The following TOR1AIP1 variants were observed in gnomAD, a reference collection of about 807,000 sequenced individuals.
TOR1AIP1 encodes torsin 1A interacting protein 1.
TOR1AIP1 carries 54 observed loss-of-function variants against 63.3 expected under a neutral mutation model. That is an observed-to-expected ratio of 0.85 (90% CI 0.69 to 1.07). TOR1AIP1 has a LOEUF of 1.07. Ranked by LOEUF, TOR1AIP1 falls within the 50% of genes least tolerant of loss-of-function variation. The pLI is 0.00. For synonymous variants in TOR1AIP1, 294 were observed against 273.5 expected (o/e 1.07, Z -0.74); for missense variants, 736 against 715.0 (o/e 1.03, Z -0.33).
chr1:179,908,499 C>T, intron 7 of TOR1AIP1, 106 bp from the exon 8 acceptor site: 20 of 851,476 alleles, frequency 2.3e-5, no homozygotes, highest in South Asian at 7.2e-5. Flanking sequence ...TGTTTTCTTC[C>T]CCTACTTTAT....
intron 8 of TOR1AIP1, 77 bp from the exon 9 acceptor site, chr1:179,913,918 ATCT>A: frequency 1.5e-6 from 2 of 1,314,558 alleles, no homozygotes; most frequent in Non-Finnish European, 1.1e-6. Flanking sequence ...TGGAATTTGT[ATCT>A]TCTTTGTCTA....
chr1:179,896,526 G>T (rs1172731888), intron 3 of TOR1AIP1, among the ~76,000 whole-genome samples: 1 of 151,182 alleles, frequency 6.6e-6, no homozygotes, highest in Non-Finnish European at 1.5e-5. Flanking sequence ...TAATGGAAGA[G>T]AAAAACAAGT....
At position 179,919,713 on chromosome 1, in the gene TOR1AIP1, T is replaced by C. The variant is rs554658491; in HGVS notation, c.*1474T>C. 1 of 152,324 alleles carries C rather than the reference T, an allele frequency of 6.6e-6. No individual in the cohort carries two copies. The highest frequency in any genetic ancestry group is 2.4e-5 in the African/African-American group (1 of 41,580). The allele number at this position is 152,324 out of a possible 1,614,324, so 9.4% of individuals were successfully genotyped here. A position where few individuals can be genotyped will look rare whatever the true frequency, so the allele number is the denominator to read the frequency against. On this transcript the variant is annotated 3_prime_UTR_variant, in exon 10 of 10. Coordinates refer to ENST00000606911, the MANE Select transcript of TOR1AIP1 (RefSeq NM_015602.4). ...TAAATATTGTTTTTAGAGTCAGTCATTGGCTTTGTCATTTACCCTTTGAGA... is the reference window on the plus strand; with the variant it reads ...TAAATATTGTTTTTAGAGTCAGTCACTGGCTTTGTCATTTACCCTTTGAGA...
chr1:179,889,536 CA>C (rs1648003053), intron 3 of TOR1AIP1, among the ~76,000 whole-genome samples, 167 bp downstream of exon 3: 1 of 152,146 alleles, frequency 6.6e-6, no homozygotes, highest in Admixed American at 6.5e-5. Context: ...CTCTCTTCAT[CA>C]AAAGCAACCA....
chr1:179,919,735 G>C lies in TOR1AIP1; in HGVS notation c.*1496G>C, dbSNP rs901380323. The C allele has an allele frequency of 6.6e-6, 1 of 152,044 alleles. No individual in the cohort carries two copies. The highest frequency in any genetic ancestry group is 2.4e-5 in the African/African-American group (1 of 41,342). 9.4% of individuals were successfully genotyped at this position (152,044 alleles called of 1,614,324 possible). A position where few individuals can be genotyped will look rare whatever the true frequency, so the allele number is the denominator to read the frequency against. ...TCATTGGCTTTGTCATTTACCCTTTGAGAGTTCCACAAGTGGTAGTAGAGT... is the reference window on the plus strand; with the variant it reads ...TCATTGGCTTTGTCATTTACCCTTTCAGAGTTCCACAAGTGGTAGTAGAGT... On this transcript the variant is annotated 3_prime_UTR_variant, in exon 10 of 10. Coordinates refer to ENST00000606911, the MANE Select transcript of TOR1AIP1 (RefSeq NM_015602.4).
chr1:179,903,758 C>T (rs993445644), intron 5 of TOR1AIP1, among the ~76,000 whole-genome samples: 2 of 152,204 alleles, frequency 1.3e-5, no homozygotes, highest in African/African-American at 4.8e-5. Context: ...ATCCGCTTGC[C>T]TCAGCCTCCC....
At chr1:179,909,585 ATTG>A (rs1190003230) in intron 8 of TOR1AIP1, among the ~76,000 whole-genome samples, 1 of 151,294 alleles carries the variant, frequency 6.6e-6, no homozygotes, top group East Asian at 2.0e-4. Flanking sequence ...TAATTTTTGT[ATTG>A]TTACACGCCT....
Position 179,882,477 on chromosome 1 carries a change from G to A in TOR1AIP1, c.-26G>A, listed in dbSNP as rs1354991220. On this transcript the variant is annotated 5_prime_UTR_variant, in exon 1 of 10. Transcript: ENST00000606911. The stretch of plus-strand genomic sequence containing the variant: ...CTAGGGTCCATAAAGCCATCTTCGC[G>A]ATCGACTAAAGCTACGTCAACAACT... 3.5e-6 allele frequency: 5 copies of A among 1,422,054 alleles called. No homozygotes were observed. In the Admixed American group the frequency reaches 9.6e-5, roughly 27 times the overall value. The allele number at this position is 1,422,054 out of a possible 1,614,324, so 88.1% of individuals were successfully genotyped here. A position where few individuals can be genotyped will look rare whatever the true frequency, so the allele number is the denominator to read the frequency against.
chr1:179,889,432 G>A, intron 3 of TOR1AIP1, 63 bp downstream of exon 3: 1 of 1,367,594 alleles, frequency 7.3e-7, no homozygotes, highest in Non-Finnish European at 1.0e-6. Flanking sequence ...TTTAAATATG[G>A]TTGTACATGT....
intron 2 of TOR1AIP1, among the ~76,000 whole-genome samples, chr1:179,886,039 C>G (rs1647900492): frequency 6.6e-6 from 1 of 152,296 alleles, no homozygotes; most frequent in South Asian, 2.1e-4. Context: ...CCACGCCTGG[C>G]CTGTCCTATA....
intron 3 of TOR1AIP1, among the ~76,000 whole-genome samples, chr1:179,893,091 A>T (rs1648151895): frequency 6.6e-6 from 1 of 151,964 alleles, no homozygotes; most frequent in African/African-American, 2.4e-5. Context: ...AAATACAAAA[A>T]ATTAGTCGGG....
chr1:179,889,486 A>T, intron 3 of TOR1AIP1, 117 bp downstream of exon 3: 2 of 783,378 alleles, frequency 2.6e-6, no homozygotes, highest in Non-Finnish European at 3.9e-6. Flanking sequence ...AATATACATT[A>T]AAAAATCTCC....
rs1408228143 is a variant in TOR1AIP1 at position 179,917,805 on chromosome 1, C to T, written c.1318C>T (p.Arg440Cys). ...TGCCTATTCTTCTTTTCGTAGTGTC[C>T]GTGCCATCCGGATTGATGGGACAGA... is the stretch of plus-strand genomic sequence containing the variant. Reference protein sequence around the residue: ...ADAYSSFRSVRAIRIDGTDKA... With the variant: ...ADAYSSFRSVCAIRIDGTDKA... The change falls in exon 10 of 10, where the codon CGT becomes TGT. Residue 440 changes from arginine to cysteine, a missense_variant. Physicochemically the swap from Arg to Cys is radical, Grantham distance 180. This residue lies in a region of TOR1AIP1 where 272 missense variants were observed against 344.1 expected (regional missense o/e 0.79). Coordinates refer to ENST00000606911, the MANE Select transcript of TOR1AIP1 (RefSeq NM_015602.4). 26 of 1,614,126 alleles carry T rather than the reference C, an allele frequency of 1.6e-5. No individual in the cohort carries two copies. Among genetic ancestry groups the T allele is most frequent in the East Asian group, 4.5e-5 (2 of 44,888 alleles).
intron 3 of TOR1AIP1, among the ~76,000 whole-genome samples, chr1:179,890,428 T>C (rs1001342832): frequency 6.6e-6 from 1 of 152,206 alleles, no homozygotes; most frequent in Non-Finnish European, 1.5e-5. Flanking sequence ...TGACTATCCT[T>C]TTAAGTATTC....
chr1:179,904,283 G>A (rs1431858887), intron 6 of TOR1AIP1, among the ~76,000 whole-genome samples: 1 of 152,186 alleles, frequency 6.6e-6, no homozygotes, highest in East Asian at 1.9e-4. Flanking sequence ...TTTGCTAGCA[G>A]TATAAATGGG....
rs554000638 is a variant in TOR1AIP1 at position 179,903,751 on chromosome 1, C to T, written c.740-215C>T. Reference sequence around the variant, plus strand: ...CTCAATCTCCTGACCTCAGGTGATCCGCTTGCCTCAGCCTCCCAATGTGCT... The same window carrying T: ...CTCAATCTCCTGACCTCAGGTGATCTGCTTGCCTCAGCCTCCCAATGTGCT... On this transcript the variant is annotated intron_variant, in intron 5 of 9. Coordinates refer to ENST00000606911, the MANE Select transcript of TOR1AIP1 (RefSeq NM_015602.4). Among the ~76,000 whole-genome samples, 15 of 152,258 alleles carry T rather than the reference C, an allele frequency of 9.9e-5. No individual in the cohort carries two copies. The South Asian group carries it at 2.3e-3, about 23-fold the overall frequency.
intron 5 of TOR1AIP1, among the ~76,000 whole-genome samples, chr1:179,903,621 C>A (rs1648533098): frequency 6.6e-6 from 1 of 151,914 alleles, no homozygotes; most frequent in Non-Finnish European, 1.5e-5. Context: ...GTTCTCCTGC[C>A]CTAAGGCCTC....
chr1:179,903,022 T>G (rs573753674), intron 5 of TOR1AIP1, among the ~76,000 whole-genome samples: 3 of 151,278 alleles, frequency 2.0e-5, no homozygotes, highest in South Asian at 4.2e-4. Context: ...AAAAAAAATA[T>G]GGGCACTTCA....
intron 4 of TOR1AIP1, among the ~76,000 whole-genome samples, chr1:179,900,945 C>G (rs866372264): frequency 1.3e-5 from 2 of 152,194 alleles, no homozygotes; most frequent in Non-Finnish European, 1.5e-5. Context: ...AAATACACAT[C>G]TGAATTTAAC....
Sources: gnomAD v4.1 joint callset for allele counts (sites outside exome capture counted in the v4.1 genomes callset) on GRCh38, gnomAD v4.1.1 for gene constraint, gnomAD v4.1.1 regional missense constraint, MANE v1.5 for transcripts, NCBI Gene and HGNC (gene_info 2026-07-23, HGNC 2026-07-21) for gene names.